Variants in ZNF831 observed in about 807,000 individuals in gnomAD.
ZNF831 encodes chromosome 20 open reading frame 174.
ZNF831 carries 59 observed loss-of-function variants against 95.8 expected under a neutral mutation model. That is an observed-to-expected ratio of 0.62 (90% confidence interval 0.50 to 0.77). The LOEUF is 0.77. Ranked by LOEUF, ZNF831 falls within the 30% of genes least tolerant of loss-of-function variation. The pLI, the probability that ZNF831 is intolerant of heterozygous loss-of-function variation, is 0.00. For synonymous variants in ZNF831, 961 were observed against 925.5 expected (o/e 1.04, Z -0.70); for missense variants, 2,205 against 2,164.0 (o/e 1.02, Z -0.38).
intron 1 of ZNF831, among the ~76,000 whole-genome samples, chr20:59,164,968 A>G (rs1054071532): frequency 1.3e-5 from 2 of 152,248 alleles, no homozygotes; most frequent in African/African-American, 4.8e-5. Flanking sequence ...GAAAAACAGA[A>G]TCAACGTCAG....
intron 4 of ZNF831, among the ~76,000 whole-genome samples, chr20:59,213,405 T>A (rs1985473496): frequency 6.6e-6 from 1 of 152,180 alleles, no homozygotes; most frequent in African/African-American, 2.4e-5. Flanking sequence ...GAAATTGTGG[T>A]ATTGCGAATT....
At chr20:59,151,861 C>A (rs1369282858) in intron 2 of ZNF831, among the ~76,000 whole-genome samples, 2 of 152,134 alleles carry the variant, frequency 1.3e-5, no homozygotes, top group African/African-American at 4.8e-5. Flanking sequence ...GCTGCCCAGC[C>A]CCTCTGTCTA....
In ZNF831 at chr20:59,191,740, G is replaced by T. The variant is rs758370662; in HGVS notation, c.721G>T (p.Ala241Ser). The T allele has an allele frequency of 7.5e-6, 12 of 1,598,810 alleles. No individual in the cohort carries two copies. The highest frequency in any genetic ancestry group is 9.4e-6 in the Non-Finnish European group (11 of 1,172,136). The change falls in exon 2 of 6, where the codon GCC (alanine) becomes TCC (serine). Residue 241 changes from alanine (A) to serine (S), a missense_variant. Coordinates refer to ENST00000371030, the MANE Select transcript of ZNF831 (RefSeq NM_178457.3). ...CAGGTGCCAGGGGATGCACGAAGGC[G>T]CCTCGGAGAGACCCCTTTCTCCGGG... ...ESRCQGMHEG[A>S]SERPLSPGAH...
At chr20:59,250,200 A>G (rs372848683) in intron 4 of ZNF831, among the ~76,000 whole-genome samples, 1 of 152,244 alleles carries the variant, frequency 6.6e-6, no homozygotes, top group Admixed American at 6.5e-5. Context: ...GACACTTGGC[A>G]TAATTAGTTC....
At chr20:59,154,535 G>C (rs1460100338) in intron 2 of ZNF831, among the ~76,000 whole-genome samples, 1 of 152,158 alleles carries the variant, frequency 6.6e-6, no homozygotes, top group African/African-American at 2.4e-5. Context: ...GACTCCATGA[G>C]GAGTTCCTCC....
intron 1 of ZNF831, among the ~76,000 whole-genome samples, chr20:59,187,482 T>C (rs1983146485): frequency 6.6e-6 from 1 of 152,146 alleles, no homozygotes; most frequent in Admixed American, 6.6e-5. Context: ...ACTTCCCGTC[T>C]CCAGAGCTGT....
In ZNF831 at chr20:59,193,467, C is replaced by A; in HGVS notation, c.2448C>A (p.Asp816Glu). 6.2e-7 allele frequency: 1 copy of A among 1,609,276 alleles called. No individual in the cohort carries two copies. Residue 816 changes from aspartate to glutamate, a missense_variant, in exon 2 of 6, where the codon GAC (aspartate) becomes GAA (glutamate). Asp to Glu is a conservative substitution (Grantham distance 45). Coordinates refer to ENST00000371030, the MANE Select transcript of ZNF831 (RefSeq NM_178457.3). ...LRWPSRGSGE[D>E]KLPSERKKLK... ...GGCCCAGCAGGGGCTCAGGGGAGGA[C>A]AAGCTCCCCTCAGAGAGGAAGAAGC...
At chr20:59,162,645 G>T (rs112483754), upstream of ZNF831, among the ~76,000 whole-genome samples, 2,432 of 152,164 alleles carry the variant, frequency 0.016, 69 homozygotes, top group African/African-American at 0.055. Flanking sequence ...CTGTTCCATT[G>T]GTCTGTGTGT....
chr20:59,132,185 A>C (rs1440044354), intron 1 of ZNF831, among the ~76,000 whole-genome samples: 4 of 152,254 alleles, frequency 2.6e-5, no homozygotes, highest in Non-Finnish European at 5.9e-5. Flanking sequence ...TGAGTTAAAA[A>C]ATAAAAACTG....
Position 59,194,742 on chromosome 20 carries a change from G to A in ZNF831, c.3723G>A (p.Pro1241=), listed in dbSNP as rs147047366. ...WTWTSPGEGG[P]AQMSKFSYPT... ...GGACAAGCCCTGGAGAAGGAGGGCCGGCGCAGATGTCCAAGGTAAAGCTGG... is the reference window on the plus strand; with the variant it reads ...GGACAAGCCCTGGAGAAGGAGGGCCAGCGCAGATGTCCAAGGTAAAGCTGG... The change falls in exon 2 of 6, where the codon CCG becomes CCA. Residue 1241 remains proline, a synonymous_variant. Transcript: ENST00000371030. 232 of 1,563,556 alleles carry A rather than the reference G, an allele frequency of 1.5e-4. No homozygotes were observed. The African/African-American group carries it at 2.0e-3, about 14-fold the overall frequency.
intron 1 of ZNF831, among the ~76,000 whole-genome samples, chr20:59,165,791 A>C: frequency 6.6e-6 from 1 of 151,074 alleles, no homozygotes; most frequent in East Asian, 1.9e-4. Flanking sequence ...TCGCTCTGTC[A>C]CCCAGGTTGG....
Position 59,192,099 on chromosome 20 carries a change from C to G in ZNF831, c.1080C>G (p.Cys360Trp), listed in dbSNP as rs2146559768. 2.5e-6 allele frequency: 4 copies of G among 1,595,270 alleles called. No homozygotes were observed. Among genetic ancestry groups the G allele is most frequent in the Non-Finnish European group, 3.4e-6 (4 of 1,174,688 alleles). Residue 360 changes from cysteine (C) to tryptophan (W), a missense_variant, in exon 2 of 6, where the codon TGC becomes TGG. Cys to Trp is a radical substitution (Grantham distance 215). Coordinates refer to ENST00000371030, the MANE Select transcript of ZNF831 (RefSeq NM_178457.3). This position sits in a 1 kb window ranked among gnomAD's most constrained non-coding sequence, Gnocchi z 5.2. ...GCGCGGAGCAGCCGCATGCGCCCTG[C>G]AGCCCCCTGCACAGCCTTTCGGAGC... ...SDSAEQPHAP[C>W]SPLHSLSEHS... is the part of the protein sequence containing the mutation.
rs7354697 is a variant in ZNF831 at position 59,210,951 on chromosome 20, T to A, written c.4027+3895T>A. On this transcript the variant is annotated intron_variant, in intron 4 of 5. Coordinates refer to ENST00000371030, the MANE Select transcript of ZNF831 (RefSeq NM_178457.3). ...GGGAGGCTGAGGCAGGAGAATGGCGTGAACCCGGGAGGCGGAGCTTGCAGT... is the reference window on the plus strand; with the variant it reads ...GGGAGGCTGAGGCAGGAGAATGGCGAGAACCCGGGAGGCGGAGCTTGCAGT... Among the ~76,000 whole-genome samples, 34 of 88,154 alleles carry A rather than the reference T, an allele frequency of 3.9e-4. 6 individuals are homozygous for A. The highest frequency in any genetic ancestry group is 1.9e-3 in the Admixed American group (17 of 8,898). 57.8% of individuals were successfully genotyped at this position (88,154 alleles called of 152,430 possible). A position where few individuals can be genotyped will look rare whatever the true frequency, so the allele number is the denominator to read the frequency against.
chr20:59,247,932 G>A (rs1987702596), intron 4 of ZNF831, among the ~76,000 whole-genome samples: 1 of 152,212 alleles, frequency 6.6e-6, no homozygotes, highest in Non-Finnish European at 1.5e-5. Context: ...CTACAGTTAT[G>A]TTGTAAGTTT....
chr20:59,171,414 A>G (rs1201512558), intron 1 of ZNF831, among the ~76,000 whole-genome samples: 7 of 152,272 alleles, frequency 4.6e-5, no homozygotes, highest in African/African-American at 7.2e-5. Context: ...TTGCCTGTGC[A>G]GCCCCATGTG....
rs2146586475 is a variant in ZNF831, at chr20:59,193,622, G to T, written c.2603G>T (p.Gly868Val). Reference sequence around the variant, plus strand: ...GCCGATCCCGGGGAGGTGCCAGGGGGCTCAAAGGAGAGTGCCAGGCAGGTG... The same window carrying T: ...GCCGATCCCGGGGAGGTGCCAGGGGTCTCAAAGGAGAGTGCCAGGCAGGTG... ...QDADPGEVPG[G>V]SKESARQVGE... Residue 868 changes from glycine to valine, a missense_variant, in exon 2 of 6, where the codon GGC (glycine) becomes GTC (valine). Physicochemically the swap from Gly to Val is moderately radical, Grantham distance 109. Transcript: ENST00000371030. 6.2e-7 allele frequency: 1 copy of T among 1,612,518 alleles called. No individual in the cohort carries two copies. The highest frequency in any genetic ancestry group is 8.5e-7 in the Non-Finnish European group (1 of 1,179,572).
Position 59,217,769 on chromosome 20 carries a change from G to A in ZNF831, c.4027+10713G>A, listed in dbSNP as rs546140906. Among the ~76,000 whole-genome samples the A allele has an allele frequency of 4.6e-5, 7 of 152,178 alleles. No individual in the cohort carries two copies. The highest frequency in any genetic ancestry group is 2.1e-4 in the South Asian group (1 of 4,824). On this transcript the variant is annotated intron_variant, in intron 4 of 5. Transcript: ENST00000371030. This position sits in a 1 kb window ranked among gnomAD's most constrained non-coding sequence, Gnocchi z 4.4. ...AGAACATGGAGGGACGATAAGACTC[G>A]TTTATTTATTTATTTATTTTTTTAA...
chr20:59,127,486 G>A (rs182110152), intron 1 of ZNF831, among the ~76,000 whole-genome samples: 1 of 152,268 alleles, frequency 6.6e-6, no homozygotes, highest in East Asian at 1.9e-4. Flanking sequence ...TTCCCAGCCA[G>A]CCCCACGGGG....
chr20:59,217,971 A>G lies in ZNF831; in HGVS notation c.4027+10915A>G, dbSNP rs1601412188. Among the ~76,000 whole-genome samples the G allele has an allele frequency of 6.6e-6, 1 of 152,306 alleles. No individual in the cohort carries two copies. Among genetic ancestry groups the G allele is most frequent in the African/African-American group, 2.4e-5 (1 of 41,568 alleles). On this transcript the variant is annotated intron_variant, in intron 4 of 5. Coordinates refer to ENST00000371030, the MANE Select transcript of ZNF831 (RefSeq NM_178457.3). This position sits in a 1 kb window ranked among gnomAD's most constrained non-coding sequence, Gnocchi z 4.4. ...GCCTTCCTCTGTGCCCAGCCAATTC[A>G]TTAGACCCAGTTAGCAATTTGCAAA...
Sources: gnomAD v4.1 joint callset for allele counts (sites outside exome capture counted in the v4.1 genomes callset) on GRCh38, gnomAD v4.1.1 for gene constraint, Gnocchi (gnomAD v3.1) non-coding constraint, MANE v1.5 for transcripts, NCBI Gene and HGNC (gene_info 2026-07-23, HGNC 2026-07-21) for gene names.